The following AKR1B15 variants were observed in gnomAD, a reference collection of about 807,000 sequenced individuals.
AKR1B15 encodes estradiol 17-beta-dehydrogenase AKR1B15.
In AKR1B15, 49 loss-of-function variants were observed where a neutral mutation model predicts 38.5. That is an observed-to-expected ratio of 1.27 (90% CI 1.01 to 1.62). The LOEUF is 1.62. AKR1B15 is among the 40% of genes most tolerant of loss of function. AKR1B15 has a pLI of 0.00. For missense variants in AKR1B15, 411 were observed against 381.6 expected (o/e 1.08, Z -0.64); for synonymous variants, 137 against 135.5 (o/e 1.01, Z -0.08).
chr7:134,579,548 G>A lies in AKR1B15; in HGVS notation c.1034G>A (p.Ter345=), dbSNP rs2117678395. 1.9e-6 allele frequency: 3 copies of A among 1,597,940 alleles called. No homozygotes were observed. The highest frequency in any genetic ancestry group is 1.7e-4 in the Middle Eastern group (1 of 5,992). Residue 345 remains the stop codon, a stop_retained_variant, in exon 12 of 12, where the codon TGA becomes TAA. Transcript: ENST00000457545. ...GACTTTCCCTTCGATGCAGAATATT[G>A]AGGTTGAATCTCCTGGTGAGATTAC... ...LEDFPFDAEY[*]
At chr7:134,549,944 T>C (rs1418749691) in intron 1 of AKR1B15, among the ~76,000 whole-genome samples, 2 of 152,176 alleles carry the variant, frequency 1.3e-5, no homozygotes, top group African/African-American at 4.8e-5. Flanking sequence ...ATCCCAGTCC[T>C]GCCTTTCCTG....
chr7:134,569,439 C>T lies in AKR1B15; in HGVS notation c.345C>T (p.Pro115=), dbSNP rs1036719057. The change falls in exon 5 of 12, where the codon CCC becomes CCT. Residue 115 remains proline (P), a synonymous_variant. Transcript: ENST00000457545. The part of the protein sequence containing the change: ...SKVWPTFFER[P]LVRKAFEKTL... ...TGTGGCCCACTTTCTTTGAGAGACC[C>T]CTTGTGAGGAAAGCCTTTGAGAAGA... The T allele has an allele frequency of 6.2e-7, 1 of 1,613,928 alleles. No homozygotes were observed. The highest frequency in any genetic ancestry group is 1.3e-5 in the African/African-American group (1 of 74,910).
intron 3 of AKR1B15, among the ~76,000 whole-genome samples, chr7:134,566,335 T>A (rs937339580): frequency 2.6e-5 from 4 of 152,122 alleles, no homozygotes; most frequent in Non-Finnish European, 5.9e-5. Context: ...GTCTCAGGCT[T>A]CACCCAGGCT....
chr7:134,564,561 G>A (rs542519935), intron 2 of AKR1B15, 37 bp from the exon 3 acceptor site: 4 of 665,320 alleles, frequency 6.0e-6, no homozygotes, highest in African/African-American at 1.8e-5. Flanking sequence ...TTTGGGCCCT[G>A]TATTTTTAAC....
At chr7:134,564,559 C>T in intron 2 of AKR1B15, 39 bp from the exon 3 acceptor site, 2 of 663,488 alleles carry the variant, frequency 3.0e-6, no homozygotes, top group African/African-American at 1.8e-5. Context: ...CCTTTGGGCC[C>T]TGTATTTTTA....
At chr7:134,577,067 G>C (rs41274188) in intron 10 of AKR1B15, 21 bp downstream of exon 10, 66,641 of 1,601,324 alleles carry the variant, frequency 0.042, 1,796 homozygotes, top group African/African-American at 0.13. Context: ...GGCTGGTCGG[G>C]CCTGGTATTC....
At chr7:134,578,449 C>A (rs1183258359) in intron 11 of AKR1B15, among the ~76,000 whole-genome samples, 2 of 152,176 alleles carry the variant, frequency 1.3e-5, no homozygotes, top group Admixed American at 1.3e-4. Context: ...TGGATTAAAT[C>A]ATCTCCAAAT....
intron 4 of AKR1B15, 26 bp downstream of exon 4, chr7:134,568,351 G>A (rs1285183470): frequency 6.2e-7 from 1 of 1,612,066 alleles, no homozygotes; most frequent in Admixed American, 1.7e-5. Flanking sequence ...TTGGTGGGAG[G>A]CCTTCACTTC....
chr7:134,579,235 C>T (rs1185128838), intron 11 of AKR1B15, among the ~76,000 whole-genome samples: 1 of 152,140 alleles, frequency 6.6e-6, no homozygotes, highest in African/African-American at 2.4e-5. Context: ...TGGGACAAGA[C>T]TTGTCTGTCA....
At position 134,577,026 on chromosome 7, in the gene AKR1B15, C is replaced by G. The variant is rs1220624913; in HGVS notation, c.889C>G (p.His297Asp). ...GATCCCCAAGTCTATGACACCAGCA[C>G]ACATTGTTGAGAACATTCAGGTAAG... is the stretch of plus-strand genomic sequence containing the variant. Reference protein sequence around the residue: ...TVIPKSMTPAHIVENIQVFDF... With the variant: ...TVIPKSMTPADIVENIQVFDF... Residue 297 changes from histidine (H) to aspartate (D), a missense_variant, in exon 10 of 12, where the codon CAC (histidine) becomes GAC (aspartate). By Grantham distance (81) the His-to-Asp change is moderately conservative (BLOSUM62 -1). Around this residue, in one of 3 missense-constraint regions of AKR1B15, gnomAD observed 133 missense variants for 120.3 expected, o/e 1.11. Transcript: ENST00000457545. 6.2e-7 allele frequency: 1 copy of G among 1,613,766 alleles called. No homozygotes were observed. The highest frequency in any genetic ancestry group is 8.5e-7 in the Non-Finnish European group (1 of 1,179,802).
intron 2 of AKR1B15, among the ~76,000 whole-genome samples, chr7:134,558,675 T>G (rs1794286071): frequency 6.6e-6 from 1 of 152,192 alleles, no homozygotes; most frequent in Non-Finnish European, 1.5e-5. Flanking sequence ...GACTGCCCCT[T>G]GGAAAGATAT....
chr7:134,564,019 A>C (rs1680584270), intron 2 of AKR1B15, among the ~76,000 whole-genome samples: 1 of 152,168 alleles, frequency 6.6e-6, no homozygotes, highest in African/African-American at 2.4e-5. Flanking sequence ...CTGGACAGGC[A>C]CCTGCAACCT....
chr7:134,550,365 T>C (rs558999511), intron 1 of AKR1B15, among the ~76,000 whole-genome samples: 33 of 152,306 alleles, frequency 2.2e-4, no homozygotes, highest in African/African-American at 7.5e-4. Flanking sequence ...AAGACTTGGC[T>C]GTGTTCTCCC....
Position 134,569,810 on chromosome 7 carries a change from C to G in AKR1B15, c.435+281C>G, listed in dbSNP as rs930586844. 2.4e-5 allele frequency: 8 copies of G among 335,118 alleles called. No individual in the cohort carries two copies. In the Admixed American group the frequency reaches 3.3e-4, roughly 14 times the overall value. The allele number at this position is 335,118 out of a possible 1,614,324, so 20.8% of individuals were successfully genotyped here. ...CTGTCTTTACTTAAATCTCTTAATC[C>G]CATCATCTTCGTAAGCTGAGGATGA... On this transcript the variant is annotated intron_variant, in intron 5 of 11. Transcript: ENST00000457545.
chr7:134,574,368 T>C (rs1229004114), intron 6 of AKR1B15, among the ~76,000 whole-genome samples: 1 of 152,054 alleles, frequency 6.6e-6, no homozygotes, highest in East Asian at 1.9e-4. Context: ...CTCGGGGTTT[T>C]TGTTTGTTTG....
chr7:134,560,112 A>T (rs1794339374), intron 2 of AKR1B15, among the ~76,000 whole-genome samples: 1 of 151,780 alleles, frequency 6.6e-6, no homozygotes, highest in South Asian at 2.1e-4. Flanking sequence ...CACCTAAGAA[A>T]AAAAAAAAAC....
chr7:134,577,494 C>A (rs1204923860), intron 10 of AKR1B15, among the ~76,000 whole-genome samples: 1 of 152,170 alleles, frequency 6.6e-6, no homozygotes, highest in Non-Finnish European at 1.5e-5. Flanking sequence ...GGTCTCCCTC[C>A]CCCCAGAACA....
chr7:134,552,330 G>C (rs1212980743), intron 1 of AKR1B15, among the ~76,000 whole-genome samples: 2 of 152,046 alleles, frequency 1.3e-5, no homozygotes, highest in African/African-American at 4.8e-5. Flanking sequence ...CCTCACAACT[G>C]CCGGAGAATA....
At chr7:134,561,146 G>A (rs1242375166) in intron 2 of AKR1B15, among the ~76,000 whole-genome samples, 2 of 152,128 alleles carry the variant, frequency 1.3e-5, no homozygotes, top group African/African-American at 4.8e-5. Flanking sequence ...GTATACACTG[G>A]GAAAATAAGG....
Sources: gnomAD v4.1 joint callset for allele counts (sites outside exome capture counted in the v4.1 genomes callset) on GRCh38, gnomAD v4.1.1 for gene constraint, gnomAD v4.1.1 regional missense constraint, MANE v1.5 for transcripts, NCBI Gene and HGNC (gene_info 2026-07-23, HGNC 2026-07-21) for gene names.